RBFOX1: variants seen among roughly 807,000 people sequenced by gnomAD.
The protein encoded by RBFOX1 is RNA binding protein fox-1 homolog 1.
RBFOX1 carries 8 observed loss-of-function variants against 57.7 expected under a neutral mutation model. The ratio of observed to expected loss-of-function variants is 0.14; its 90% confidence interval spans 0.08 to 0.25. The LOEUF (loss-of-function observed/expected upper bound fraction) is 0.25. Among genes scored for constraint, RBFOX1 ranks in the 10% least tolerant of loss-of-function variants. The pLI, the probability that RBFOX1 is intolerant of heterozygous loss-of-function variation, is 1.00. For synonymous variants in RBFOX1, 326 were observed against 222.4 expected (o/e 1.47, Z -4.15); for missense variants, 611 against 548.5 (o/e 1.11, Z -1.14).
intron 3 of RBFOX1, among the ~76,000 whole-genome samples, chr16:7,031,563 T>C (rs1283696742): frequency 6.6e-6 from 1 of 150,580 alleles, no homozygotes; most frequent in East Asian, 2.0e-4. Flanking sequence ...ATCATGCCAC[T>C]GCACTCCAGC....
intron 2 of RBFOX1, among the ~76,000 whole-genome samples, chr16:6,490,396 A>C (rs118049671): frequency 7.2e-5 from 11 of 152,290 alleles, no homozygotes; most frequent in East Asian, 5.8e-4. Flanking sequence ...CTTGTCAAGA[A>C]TATGTATGGG....
chr16:5,751,772 C>G (rs1036972635), intron 3 of RBFOX1, among the ~76,000 whole-genome samples: 2 of 152,162 alleles, frequency 1.3e-5, no homozygotes, highest in East Asian at 1.9e-4. Flanking sequence ...AGTGTTTACT[C>G]CAAACCTCAA....
At chr16:7,177,569 G>C (rs1039952853) in intron 4 of RBFOX1, among the ~76,000 whole-genome samples, 1 of 152,014 alleles carries the variant, frequency 6.6e-6, no homozygotes, top group East Asian at 1.9e-4. Context: ...TTTCAGGTGT[G>C]TTTTCACAGG....
At chr16:6,315,673 GA>G (rs1429941830) in intron 1 of RBFOX1, among the ~76,000 whole-genome samples, 2 of 152,142 alleles carry the variant, frequency 1.3e-5, no homozygotes, top group Non-Finnish European at 2.9e-5. Flanking sequence ...TTAGTTGAAA[GA>G]AATTGAAAAC....
intron 1 of RBFOX1, among the ~76,000 whole-genome samples, chr16:6,310,901 T>TAAA (rs200121160): frequency 7.1e-6 from 1 of 140,522 alleles, no homozygotes; most frequent in Non-Finnish European, 1.6e-5. Flanking sequence ...ACCAGTGGTT[T>TAAA]AAAAAAAAAA....
intron 2 of RBFOX1, among the ~76,000 whole-genome samples, chr16:6,462,971 T>C (rs1191797575): frequency 6.6e-6 from 1 of 152,234 alleles, no homozygotes; most frequent in African/African-American, 2.4e-5. Flanking sequence ...CTGTTCACCT[T>C]AGCTTGTGAA....
chr16:7,005,077 G>T (rs886398282), intron 3 of RBFOX1, among the ~76,000 whole-genome samples: 1 of 152,188 alleles, frequency 6.6e-6, no homozygotes, highest in African/African-American at 2.4e-5. Flanking sequence ...CCAGGAGGCA[G>T]AAGTTGCAGT....
intron 4 of RBFOX1, among the ~76,000 whole-genome samples, chr16:5,987,299 A>C (rs1049221771): frequency 6.6e-6 from 1 of 152,008 alleles, no homozygotes; most frequent in Non-Finnish European, 1.5e-5. Flanking sequence ...ATTGTGGGGT[A>C]TGTGGTTTAC....
chr16:6,597,421 C>T (rs2097787401), intron 2 of RBFOX1, among the ~76,000 whole-genome samples: 1 of 152,070 alleles, frequency 6.6e-6, no homozygotes, highest in Admixed American at 6.6e-5. Flanking sequence ...CACCAGTAAT[C>T]CCAGCACTTT....
intron 1 of RBFOX1, among the ~76,000 whole-genome samples, chr16:6,130,564 C>T (rs1163115739): frequency 6.6e-6 from 1 of 152,006 alleles, no homozygotes; most frequent in Non-Finnish European, 1.5e-5. Flanking sequence ...CTAAACACTC[C>T]ACTTAAAGAG....
intron 4 of RBFOX1, among the ~76,000 whole-genome samples, chr16:5,907,542 G>C (rs1292541314): frequency 1.3e-5 from 2 of 152,052 alleles, no homozygotes; most frequent in African/African-American, 4.8e-5. Flanking sequence ...TATGCTGTGT[G>C]ATTTTACGTG....
rs2084216142 is a variant in RBFOX1, at chr16:7,712,979, A to AT, written c.*2237dup. On this transcript the variant is annotated 3_prime_UTR_variant, in exon 16 of 16. Coordinates refer to ENST00000550418, the MANE Select transcript of RBFOX1 (RefSeq NM_018723.4). ...GACTGTATGTAGTTTTAATAAAATCATTTAGAGTGAGTGAGTGCCAACCGA... is the reference window on the plus strand; with the variant it reads ...GACTGTATGTAGTTTTAATAAAATCATTTTAGAGTGAGTGAGTGCCAACCGA... 1 of 152,230 alleles carries AT rather than the reference A, an allele frequency of 6.6e-6. No individual in the cohort carries two copies. Among genetic ancestry groups the AT allele is most frequent in the South Asian group, 2.1e-4 (1 of 4,830 alleles). 9.4% of individuals were successfully genotyped at this position (152,230 alleles called of 1,614,324 possible).
chr16:7,323,295 G>A (rs2096569417), intron 4 of RBFOX1, among the ~76,000 whole-genome samples: 1 of 152,138 alleles, frequency 6.6e-6, no homozygotes, highest in Non-Finnish European at 1.5e-5. Context: ...GTGCTGGTAT[G>A]CACCTGTAGT....
chr16:5,610,646 A>G (rs12446226), intron 3 of RBFOX1: 37,152 of 152,088 alleles, frequency 0.24, 4,851 homozygotes, highest in Middle Eastern at 0.33. Flanking sequence ...GTTTGAGATC[A>G]GCCTGGGAAA....
chr16:6,955,367 C>G (rs914100053), intron 3 of RBFOX1, among the ~76,000 whole-genome samples: 3 of 151,874 alleles, frequency 2.0e-5, no homozygotes, highest in African/African-American at 4.8e-5. Context: ...CACACACACA[C>G]ACACACGTGC....
chr16:5,296,970 C>G (rs536749394), intron 1 of RBFOX1, among the ~76,000 whole-genome samples: 145 of 152,268 alleles, frequency 9.5e-4, no homozygotes, highest in Non-Finnish European at 2.0e-3. Flanking sequence ...GCTACCATGC[C>G]TGGCCAACTT....
At chr16:5,493,819 C>A (rs143408233) in intron 2 of RBFOX1, among the ~76,000 whole-genome samples, 1 of 152,328 alleles carries the variant, frequency 6.6e-6, no homozygotes, top group East Asian at 1.9e-4. Flanking sequence ...CTGATTAAAT[C>A]TTTCCTTTTT....
At chr16:7,388,157 G>A (rs1253660421) in intron 4 of RBFOX1, among the ~76,000 whole-genome samples, 1 of 152,056 alleles carries the variant, frequency 6.6e-6, no homozygotes, top group Non-Finnish European at 1.5e-5. Flanking sequence ...GCAGGAAACT[G>A]ATCTCAGATT....
In RBFOX1 at chr16:6,097,499, C is replaced by G. The variant is rs527879031; in HGVS notation, c.-127+77507C>G. On this transcript the variant is annotated intron_variant, in intron 1 of 15. Transcript: ENST00000550418. The surrounding 1 kb of genome is among the most constrained non-coding windows in gnomAD (Gnocchi z 5.0). Reference sequence around the variant, plus strand: ...GAAGCAGAATCTCTGGTGGCAGGAACCAGCAATCTGTGCTTTCAACAAGCT... The same window carrying G: ...GAAGCAGAATCTCTGGTGGCAGGAAGCAGCAATCTGTGCTTTCAACAAGCT... Among the ~76,000 whole-genome samples, 197 of 152,306 alleles carry G rather than the reference C, an allele frequency of 1.3e-3. 1 individual carries two copies. The highest frequency in any genetic ancestry group is 4.6e-3 in the African/African-American group (192 of 41,568).
Sources: gnomAD v4.1 joint callset for allele counts (sites outside exome capture counted in the v4.1 genomes callset) on GRCh38, gnomAD v4.1.1 for gene constraint, Gnocchi (gnomAD v3.1) non-coding constraint, MANE v1.5 for transcripts, NCBI Gene and HGNC (gene_info 2026-07-23, HGNC 2026-07-21) for gene names.